IL17D: variants seen among roughly 807,000 people sequenced by gnomAD.
IL17D encodes interleukin 17D.
A neutral mutation model predicts 5.7 loss-of-function variants in IL17D; 10 were observed. The observed-to-expected ratio is 1.75, with a 90% CI of 1.08 to 2.97. IL17D has a LOEUF of 2.97. Ranked by LOEUF, IL17D falls within the 30% of genes most tolerant of loss-of-function variation. IL17D has a pLI of 0.00. For missense variants in IL17D, 354 were observed against 292.7 expected, an observed-to-expected ratio of 1.21 and a Z score of -1.53; for synonymous variants, 172 against 141.7, an observed-to-expected ratio of 1.21 and a Z score of -1.52.
chr13:20,714,261 C>CCCTA (rs2058661841), intron 1 of IL17D: 1 of 152,194 alleles, frequency 6.6e-6, no homozygotes, highest in Non-Finnish European at 1.5e-5. Flanking sequence ...TCTCCTCTTC[C>CCCTA]CCTACCTCCC....
At chr13:20,711,193 G>A (rs1350798180) in intron 1 of IL17D, among the ~76,000 whole-genome samples, 1 of 152,146 alleles carries the variant, frequency 6.6e-6, no homozygotes, top group Non-Finnish European at 1.5e-5. Context: ...GAACTGGGGA[G>A]GTGGAGGTTG....
chr13:20,722,911 T>C lies in IL17D; in HGVS notation c.*957T>C, dbSNP rs6783. The C allele has an allele frequency of 0.38, 57,291 of 152,024 alleles. 12,281 individuals carry two copies. The highest frequency in any genetic ancestry group is 0.49 in the Non-Finnish European group (33,253 of 67,962). 9.4% of individuals were successfully genotyped at this position (152,024 alleles called of 1,614,324 possible). ...AGTTGTAAGGGCTTTAGGATCAGGC[T>C]GAATATGAGGACAAAGTGGGCCACG... On this transcript the variant is annotated 3_prime_UTR_variant, in exon 2 of 2. Coordinates refer to ENST00000682841, the MANE Select transcript of IL17D (RefSeq NM_001385224.1).
At position 20,704,208 on chromosome 13, in the gene IL17D, G is replaced by T; in HGVS notation, c.207G>T (p.Ala69=). 7.3e-7 allele frequency: 1 copy of T among 1,370,454 alleles called. No individual in the cohort carries two copies. The highest frequency in any genetic ancestry group is 1.5e-5 in the South Asian group (1 of 66,284). The allele number at this position is 1,370,454 out of a possible 1,614,324, so 84.9% of individuals were successfully genotyped here. A position where few individuals can be genotyped will look rare whatever the true frequency, so the allele number is the denominator to read the frequency against. Reference sequence around the variant, plus strand: ...GGCCGCGTGAGCAGGCGCGCAACGCGAGCTGCCCGGCAGGGGGCAGGCCCG... The same window carrying T: ...GGCCGCGTGAGCAGGCGCGCAACGCTAGCTGCCCGGCAGGGGGCAGGCCCG... ...QLGPREQARN[A]SCPAGGRPAD... is the part of the protein sequence containing the mutation. Residue 69 remains alanine (A), a synonymous_variant, in exon 1 of 2, where the codon GCG becomes GCT. Transcript: ENST00000682841.
intron 1 of IL17D, among the ~76,000 whole-genome samples, chr13:20,721,082 C>T (rs986039445): frequency 6.6e-6 from 1 of 152,160 alleles, no homozygotes; most frequent in Non-Finnish European, 1.5e-5. Flanking sequence ...GCACTTGGCA[C>T]CAAATCTCCC....
At chr13:20,720,479 C>A (rs888777011) in intron 1 of IL17D, among the ~76,000 whole-genome samples, 4 of 152,172 alleles carry the variant, frequency 2.6e-5, no homozygotes, top group African/African-American at 7.2e-5. Context: ...TGGAGGGAAG[C>A]ATGAATAAAT....
chr13:20,718,934 C>CAG (rs2058709038), intron 1 of IL17D, among the ~76,000 whole-genome samples: 1 of 145,816 alleles, frequency 6.9e-6, no homozygotes, highest in Non-Finnish European at 1.5e-5. Context: ...ACACACCTGC[C>CAG]CACGCTCACA....
chr13:20,714,987 C>T (rs939902229), intron 1 of IL17D, among the ~76,000 whole-genome samples: 1 of 152,188 alleles, frequency 6.6e-6, no homozygotes, highest in Non-Finnish European at 1.5e-5. Context: ...GCCCCACAGC[C>T]GTCCTGGCTG....
chr13:20,719,517 G>T (rs549546923), intron 1 of IL17D, among the ~76,000 whole-genome samples: 2 of 152,070 alleles, frequency 1.3e-5, no homozygotes, highest in African/African-American at 4.8e-5. Flanking sequence ...TCATGTTCAC[G>T]GTCAAATTTC....
rs942428626 is a variant in IL17D, at chr13:20,716,781, A to C, written c.291-4855A>C. ...GGTTCTAGCCAAGATTGGAGAAGGC[A>C]TTGCCCCCACTTTGTTCCTGGGATG... On this transcript the variant is annotated intron_variant, in intron 1 of 1. Coordinates refer to ENST00000682841, the MANE Select transcript of IL17D (RefSeq NM_001385224.1). The surrounding 1 kb of genome is among the most constrained non-coding windows in gnomAD (Gnocchi z 4.2). 4.6e-5 allele frequency among the ~76,000 whole-genome samples: 7 copies of C among 152,192 alleles called. No homozygotes were observed. The highest frequency in any genetic ancestry group is 1.7e-4 in the African/African-American group (7 of 41,462).
Position 20,704,136 on chromosome 13 carries a change from C to T in IL17D, c.135C>T (p.Arg45=), listed in dbSNP as rs1432988985. The T allele has an allele frequency of 3.7e-6, 5 of 1,336,876 alleles. No homozygotes were observed. The highest frequency in any genetic ancestry group is 4.8e-6 in the Non-Finnish European group (5 of 1,034,050). The allele number at this position is 1,336,876 out of a possible 1,614,324, so 82.8% of individuals were successfully genotyped here. The change falls in exon 1 of 2, where the codon CGC becomes CGT. Residue 45 remains arginine, a synonymous_variant. Coordinates refer to ENST00000682841, the MANE Select transcript of IL17D (RefSeq NM_001385224.1). ...AGCTACTGGAGCAGCTGTACGGGCG[C>T]CTGGCGGCCGGCGTGCTCAGTGCCT... ...PEELLEQLYG[R]LAAGVLSAFH... is the part of the protein sequence containing the mutation.
Position 20,721,726 on chromosome 13 carries a change from G to A in IL17D, c.381G>A (p.Glu127=), listed in dbSNP as rs2058737388. Reference sequence around the variant, plus strand: ...GCCTGACCGGGCTGTTCGGCGAGGAGGACGTGCGCTTCCGCAGCGCCCCTG... The same window carrying A: ...GCCTGACCGGGCTGTTCGGCGAGGAAGACGTGCGCTTCCGCAGCGCCCCTG... The part of the protein sequence containing the change: ...RGCLTGLFGE[E]DVRFRSAPVY... The change falls in exon 2 of 2, where the codon GAG becomes GAA. Residue 127 remains glutamate, a synonymous_variant. Transcript: ENST00000682841. 6.2e-7 allele frequency: 1 copy of A among 1,611,134 alleles called. No individual in the cohort carries two copies. Among genetic ancestry groups the A allele is most frequent in the Non-Finnish European group, 8.5e-7 (1 of 1,179,466 alleles).
chr13:20,706,795 G>A (rs542407569), intron 1 of IL17D, among the ~76,000 whole-genome samples: 7 of 152,328 alleles, frequency 4.6e-5, no homozygotes, highest in Admixed American at 3.9e-4. Flanking sequence ...AGCCGAGGGA[G>A]GTTATGGATG....
At position 20,721,680 on chromosome 13, in the gene IL17D, C is replaced by G. The variant is rs1190351463; in HGVS notation, c.335C>G (p.Ala112Gly). Residue 112 changes from alanine (A) to glycine (G), a missense_variant, in exon 2 of 2, where the codon GCC (alanine) becomes GGC (glycine). Ala to Gly is a moderately conservative substitution (Grantham distance 60). Transcript: ENST00000682841. ...PARYPRYLPE[A>G]YCLCRGCLTG... The stretch of plus-strand genomic sequence containing the variant: ...AGGTACCCCAGGTACCTGCCTGAAG[C>G]CTACTGCCTGTGCCGGGGCTGCCTG... 4 of 1,610,700 alleles carry G rather than the reference C, an allele frequency of 2.5e-6. No individual in the cohort carries two copies. The highest frequency in any genetic ancestry group is 1.1e-5 in the South Asian group (1 of 90,802).
intron 1 of IL17D, among the ~76,000 whole-genome samples, chr13:20,706,669 G>C: frequency 6.6e-6 from 1 of 152,272 alleles, no homozygotes; most frequent in East Asian, 1.9e-4. Context: ...TCAGGAGACA[G>C]AGCAGGGCTG....
rs2058581843 is a variant in IL17D, at chr13:20,705,193, G to A, written c.290+902G>A. Among the ~76,000 whole-genome samples, 4 of 152,280 alleles carry A rather than the reference G, an allele frequency of 2.6e-5. No individual in the cohort carries two copies. The South Asian group carries it at 8.3e-4, about 32-fold the overall frequency. On this transcript the variant is annotated intron_variant, in intron 1 of 1. Coordinates refer to ENST00000682841, the MANE Select transcript of IL17D (RefSeq NM_001385224.1). The stretch of plus-strand genomic sequence containing the variant: ...AGAGGTCAAGAAAGGCTTCGTGAAA[G>A]AGCTGAGTCTTGATGGAGGAGAGCA...
intron 1 of IL17D, among the ~76,000 whole-genome samples, chr13:20,717,627 G>A (rs988290355): frequency 3.3e-5 from 5 of 152,138 alleles, no homozygotes; most frequent in Admixed American, 3.3e-4. Context: ...TCAAGCCCCC[G>A]CGCCCTGGGC....
chr13:20,714,041 G>A (rs748294888), intron 1 of IL17D: 18 of 152,264 alleles, frequency 1.2e-4, no homozygotes, highest in Admixed American at 1.1e-3. Context: ...TCCCCCGGGC[G>A]GAGAGTTAAG....
chr13:20,710,905 G>A (rs1370844164), intron 1 of IL17D, among the ~76,000 whole-genome samples: 1 of 152,146 alleles, frequency 6.6e-6, no homozygotes, highest in Non-Finnish European at 1.5e-5. Flanking sequence ...ACAAAGAAAA[G>A]GACAAGGAGT....
intron 1 of IL17D, among the ~76,000 whole-genome samples, chr13:20,705,895 A>G (rs735539): frequency 0.65 from 98,227 of 152,068 alleles, 33,116 homozygotes; most frequent in Non-Finnish European, 0.75. Flanking sequence ...GATGCTCATT[A>G]AAGAAGACAA....
Sources: allele counts gnomAD v4.1 joint callset (sites outside exome capture counted in the v4.1 genomes callset), GRCh38; gene constraint gnomAD v4.1.1; non-coding constraint Gnocchi (gnomAD v3.1); transcripts MANE v1.5; gene names NCBI Gene and HGNC (gene_info 2026-07-23, HGNC 2026-07-21).